TBC1D5: variants seen among roughly 807,000 people sequenced by gnomAD.
The protein encoded by TBC1D5 is TBC1 domain family, member 5.
A neutral mutation model predicts 100.3 loss-of-function variants in TBC1D5; 75 were observed. The observed-to-expected ratio is 0.75, with a 90% CI of 0.62 to 0.91. The LOEUF (loss-of-function observed/expected upper bound fraction) is 0.91. Among genes scored for constraint, TBC1D5 ranks in the 40% least tolerant of loss-of-function variants. TBC1D5 has a pLI of 0.00. For missense variants in TBC1D5, 910 were observed against 942.4 expected, an observed-to-expected ratio of 0.97 and a Z score of 0.45; for synonymous variants, 323 against 325.6, an observed-to-expected ratio of 0.99 and a Z score of 0.09.
chr3:17,192,627 C>A (rs917078910), intron 18 of TBC1D5, among the ~76,000 whole-genome samples: 1 of 152,186 alleles, frequency 6.6e-6, no homozygotes, highest in Admixed American at 6.5e-5. Context: ...TGGAAATGGC[C>A]TTTAGAAATT....
At chr3:17,207,109 G>A (rs1483395725) in intron 18 of TBC1D5, among the ~76,000 whole-genome samples, 3 of 151,924 alleles carry the variant, frequency 2.0e-5, no homozygotes, top group Non-Finnish European at 4.4e-5. Context: ...TAATTTTTTT[G>A]TTAAATTTTT....
At chr3:17,522,373 AT>A (rs1447688609) in intron 2 of TBC1D5, among the ~76,000 whole-genome samples, 1 of 152,144 alleles carries the variant, frequency 6.6e-6, no homozygotes, top group African/African-American at 2.4e-5. Flanking sequence ...GGAATAAACT[AT>A]TTCAATTTCA....
chr3:17,477,044 T>G (rs57161733), intron 3 of TBC1D5, among the ~76,000 whole-genome samples: 1 of 151,936 alleles, frequency 6.6e-6, no homozygotes, highest in Non-Finnish European at 1.5e-5. Flanking sequence ...GTAATTCTTT[T>G]ATAAATGTCC....
intron 2 of TBC1D5, among the ~76,000 whole-genome samples, chr3:17,614,396 T>C (rs1211579880): frequency 6.6e-6 from 1 of 152,250 alleles, no homozygotes; most frequent in Non-Finnish European, 1.5e-5. Flanking sequence ...ATATGAACTT[T>C]AAAGTAGTTT....
At chr3:17,442,490 G>A (rs1239047667) in intron 3 of TBC1D5, among the ~76,000 whole-genome samples, 1 of 152,216 alleles carries the variant, frequency 6.6e-6, no homozygotes, top group East Asian at 1.9e-4. Context: ...CAATAGCACA[G>A]GAGGCAAATG....
chr3:17,196,094 A>C (rs976416253), intron 18 of TBC1D5, among the ~76,000 whole-genome samples: 1 of 152,232 alleles, frequency 6.6e-6, no homozygotes, highest in African/African-American at 2.4e-5. Context: ...GCCAGACACA[A>C]TATCTGGCAC....
intron 1 of TBC1D5, among the ~76,000 whole-genome samples, chr3:17,713,652 T>G (rs190582756): frequency 1.1e-3 from 173 of 152,250 alleles, no homozygotes; most frequent in African/African-American, 3.9e-3. Flanking sequence ...GACTTGTATC[T>G]AGAATATATA....
intron 1 of TBC1D5, among the ~76,000 whole-genome samples, chr3:17,716,613 G>A (rs965684748): frequency 2.0e-5 from 3 of 151,956 alleles, no homozygotes; most frequent in Non-Finnish European, 4.4e-5. Context: ...AAGTTGAAAA[G>A]AACCACCTTA....
Position 17,206,786 on chromosome 3 carries a change from T to A in TBC1D5, c.1752+7421A>T, listed in dbSNP as rs534593761. On this transcript the variant is annotated intron_variant, in intron 18 of 21. Transcript: ENST00000253692. Reference sequence around the variant, plus strand: ...ATTCTGAACCATGGATACTTTCAGATCTTTGAAGGTTGGTATGTATTATAA... The same window carrying A: ...ATTCTGAACCATGGATACTTTCAGAACTTTGAAGGTTGGTATGTATTATAA... 2.0e-5 allele frequency among the ~76,000 whole-genome samples: 3 copies of A among 152,304 alleles called. No homozygotes were observed. In the East Asian group the frequency reaches 5.8e-4, roughly 29 times the overall value.
At chr3:17,351,987 C>T (rs187233685) in intron 13 of TBC1D5, among the ~76,000 whole-genome samples, 14 of 149,398 alleles carry the variant, frequency 9.4e-5, no homozygotes, top group Non-Finnish European at 7.4e-5. Context: ...TTTCATCTAA[C>T]CTAAAGAGAA....
intron 2 of TBC1D5, among the ~76,000 whole-genome samples, chr3:17,613,032 C>T (rs2061812619): frequency 1.3e-5 from 2 of 152,068 alleles, no homozygotes; most frequent in African/African-American, 4.8e-5. Flanking sequence ...ATATCCCTTC[C>T]CCAACCCCTC....
intron 15 of TBC1D5, among the ~76,000 whole-genome samples, chr3:17,274,992 A>G (rs1450259967): frequency 6.6e-6 from 1 of 152,192 alleles, no homozygotes; most frequent in Non-Finnish European, 1.5e-5. Context: ...AGTGAAAAAT[A>G]ATAGTGTGCA....
chr3:17,574,085 T>A (rs2153515542), intron 2 of TBC1D5, among the ~76,000 whole-genome samples: 1 of 152,176 alleles, frequency 6.6e-6, no homozygotes, highest in East Asian at 1.9e-4. Flanking sequence ...CGCTCTCACC[T>A]CTGTCTTTAA....
chr3:17,396,041 C>T (rs953492631), intron 8 of TBC1D5, among the ~76,000 whole-genome samples: 2 of 152,002 alleles, frequency 1.3e-5, no homozygotes, highest in Admixed American at 1.3e-4. Context: ...AATCTGTTTT[C>T]CCCCCTCTTT....
At chr3:17,216,226 G>T (rs1260083478) in intron 17 of TBC1D5, among the ~76,000 whole-genome samples, 1 of 152,042 alleles carries the variant, frequency 6.6e-6, no homozygotes, top group African/African-American at 2.4e-5. Context: ...GATTGTTCAG[G>T]ATCTGCCTCA....
intron 1 of TBC1D5, among the ~76,000 whole-genome samples, chr3:17,669,243 G>A (rs2067647076): frequency 6.6e-6 from 1 of 152,140 alleles, no homozygotes; most frequent in Non-Finnish European, 1.5e-5. Context: ...CTTCCACCAT[G>A]ATTGTAAGTT....
At chr3:17,584,265 G>A (rs75201186) in intron 2 of TBC1D5, among the ~76,000 whole-genome samples, 6 of 152,182 alleles carry the variant, frequency 3.9e-5, no homozygotes, top group Non-Finnish European at 7.4e-5. Context: ...ACTCGACAGA[G>A]GTGGAAGGTT....
At chr3:17,366,632 T>C (rs1268663561) in intron 13 of TBC1D5, among the ~76,000 whole-genome samples, 1 of 152,144 alleles carries the variant, frequency 6.6e-6, no homozygotes, top group East Asian at 1.9e-4. Flanking sequence ...ATATCTCAAT[T>C]GTTAACTGTG....
At chr3:17,172,725 A>G (rs1425100493) in intron 19 of TBC1D5, among the ~76,000 whole-genome samples, 2 of 152,194 alleles carry the variant, frequency 1.3e-5, no homozygotes, top group African/African-American at 2.4e-5. Flanking sequence ...TAGATCTCGA[A>G]CTCTCAGGGT....
Sources: gnomAD v4.1 joint callset for allele counts (sites outside exome capture counted in the v4.1 genomes callset) on GRCh38, gnomAD v4.1.1 for gene constraint, MANE v1.5 for transcripts, NCBI Gene and HGNC (gene_info 2026-07-23, HGNC 2026-07-21) for gene names.